SLC6A12: variants seen among roughly 807,000 people sequenced by gnomAD.
SLC6A12 encodes sodium- and chloride-dependent betaine transporter.
SLC6A12 carries 50 observed loss-of-function variants against 73.3 expected under a neutral mutation model. That is an observed-to-expected ratio of 0.68 (90% CI 0.54 to 0.86). The LOEUF is 0.86. Among genes scored for constraint, SLC6A12 ranks in the 40% least tolerant of loss-of-function variants. SLC6A12 has a pLI of 0.00. For missense variants in SLC6A12, 648 were observed against 772.8 expected (o/e 0.84, Z 1.92); for synonymous variants, 304 against 309.2 (o/e 0.98, Z 0.18).
At position 198,801 on chromosome 12, in the gene SLC6A12, G is replaced by C. The variant is rs1417134063; in HGVS notation, c.842C>G (p.Pro281Arg). The part of the protein sequence containing the change: ...LKPDLFRLKD[P>R]QVWMDAGTQI... ...TGGTCCCAGCACGGTACATACCTGAGGGTCCTTGAGGCGGAACAAATCTGG... is the reference window on the plus strand; with the variant it reads ...TGGTCCCAGCACGGTACATACCTGACGGTCCTTGAGGCGGAACAAATCTGG... Residue 281 changes from proline (P) to arginine (R), a missense_variant, in exon 8 of 16, where the codon CCT becomes CGT. By Grantham distance (103) the Pro-to-Arg change is moderately radical. Coordinates refer to ENST00000684302, the MANE Select transcript of SLC6A12 (RefSeq NM_001122848.3). The surrounding 1 kb of genome is among the most constrained non-coding windows in gnomAD (Gnocchi z 4.0). 1 of 1,614,096 alleles carries C rather than the reference G, an allele frequency of 6.2e-7. No individual in the cohort carries two copies. Among genetic ancestry groups the C allele is most frequent in the Non-Finnish European group, 8.5e-7 (1 of 1,180,042 alleles).
At chr12:188,416 G>A (rs1393438941), downstream of SLC6A12, among the ~76,000 whole-genome samples, 2 of 152,036 alleles carry the variant, frequency 1.3e-5, no homozygotes, top group Non-Finnish European at 2.9e-5. Context: ...GCGCTGGCCC[G>A]CAAGCGCCGC....
intron 3 of SLC6A12, among the ~76,000 whole-genome samples, chr12:208,089 G>A (rs573924559): frequency 1.6e-4 from 25 of 152,278 alleles, no homozygotes; most frequent in Non-Finnish European, 2.6e-4. Flanking sequence ...GGAGTGTGCC[G>A]TGACGCAGAA....
At chr12:194,617 G>A (rs893545272) in intron 13 of SLC6A12, among the ~76,000 whole-genome samples, 5 of 152,212 alleles carry the variant, frequency 3.3e-5, no homozygotes, top group Non-Finnish European at 7.3e-5. Context: ...TCAGTGAATC[G>A]GGCTTCTTCC....
At chr12:195,653 A>G (rs768558745) in intron 12 of SLC6A12, among the ~76,000 whole-genome samples, 28 of 152,112 alleles carry the variant, frequency 1.8e-4, no homozygotes, top group Non-Finnish European at 3.8e-4. Flanking sequence ...CCAGGCTTGA[A>G]TAAGAGTCAT....
rs557312789 is a variant in SLC6A12 at position 195,418 on chromosome 12, G to A, written c.1327-91C>T. The A allele has an allele frequency of 3.9e-5, 33 of 841,880 alleles. No homozygotes were observed. The Middle Eastern group carries it at 6.8e-4, about 17-fold the overall frequency. The allele number at this position is 841,880 out of a possible 1,614,324, so 52.2% of individuals were successfully genotyped here. A position where few individuals can be genotyped will look rare whatever the true frequency, so the allele number is the denominator to read the frequency against. ...GAGATGGCAAATGCCCACGTGGGGT[G>A]CACTCCTGCCCGGCCTGTGGGATGC... On this transcript the variant is annotated intron_variant, in intron 12 of 15. Transcript: ENST00000684302.
downstream of SLC6A12, among the ~76,000 whole-genome samples, chr12:185,520 G>T (rs1939416302): frequency 6.6e-6 from 1 of 152,210 alleles, no homozygotes; most frequent in Non-Finnish European, 1.5e-5. Context: ...TGCTTGGGCA[G>T]AAAAAGCCTC....
chr12:201,535 G>A (rs1940263030), intron 6 of SLC6A12: 2 of 536,294 alleles, frequency 3.7e-6, no homozygotes, highest in Non-Finnish European at 6.8e-6. Context: ...AGGGATGTGG[G>A]GCTGAAGGTG....
intron 7 of SLC6A12, among the ~76,000 whole-genome samples, chr12:200,425 G>A (rs1940193111): frequency 6.6e-6 from 1 of 152,236 alleles, no homozygotes; most frequent in Admixed American, 6.5e-5. Context: ...ATATTCTTAT[G>A]TAAACCGGAC....
rs546094905 is a variant in SLC6A12 at position 201,011 on chromosome 12, A to G, written c.579-228T>C. Among the ~76,000 whole-genome samples the G allele has an allele frequency of 3.9e-5, 6 of 152,192 alleles. No homozygotes were observed. The South Asian group carries it at 1.2e-3, about 32-fold the overall frequency. The stretch of plus-strand genomic sequence containing the variant: ...AACTCATCCAGATTTTTTTTCTCGT[A>G]CAGAAAGATGGAGAGAGAGAGAGAT... On this transcript the variant is annotated intron_variant, in intron 6 of 15. Coordinates refer to ENST00000684302, the MANE Select transcript of SLC6A12 (RefSeq NM_001122848.3).
chr12:207,371 C>T (rs1020139985), intron 3 of SLC6A12, among the ~76,000 whole-genome samples: 1 of 152,216 alleles, frequency 6.6e-6, no homozygotes, highest in African/African-American at 2.4e-5. Context: ...TTTCCTGAAC[C>T]ACTCACAACC....
chr12:193,405 G>A, intron 13 of SLC6A12, 28 bp from the exon 14 acceptor site: 1 of 1,547,864 alleles, frequency 6.5e-7, no homozygotes, highest in Non-Finnish European at 8.9e-7. Flanking sequence ...GGGAGAGTGT[G>A]AGAGCCAGAG....
downstream of SLC6A12, among the ~76,000 whole-genome samples, chr12:188,091 GC>G (rs1939467977): frequency 6.6e-6 from 1 of 152,254 alleles, no homozygotes; most frequent in South Asian, 2.1e-4. Flanking sequence ...AGGTGGAGCT[GC>G]CTCCCAGTCC....
At chr12:203,059 C>CTTTTTTTTTTTTTTTTTTTTTTTTTTT (rs10582500) in intron 4 of SLC6A12, among the ~76,000 whole-genome samples, 179 bp from the exon 5 acceptor site, 1 of 68,340 alleles carries the variant, frequency 1.5e-5, no homozygotes, top group African/African-American at 6.3e-5. Context: ...TTTTTCTTTT[C>CTTTTTTTTTTTTTTTTTTTTTTTTTTT]TTTTTTTTTT....
At chr12:202,454 G>A (rs1940320586) in intron 5 of SLC6A12, among the ~76,000 whole-genome samples, 1 of 152,240 alleles carries the variant, frequency 6.6e-6, no homozygotes, top group African/African-American at 2.4e-5. Flanking sequence ...TTAACACACA[G>A]TAGGTGTCCA....
downstream of SLC6A12, among the ~76,000 whole-genome samples, chr12:186,746 G>A (rs538399904): frequency 3.9e-5 from 6 of 152,364 alleles, no homozygotes; most frequent in South Asian, 1.0e-3. Context: ...CATCTATTGA[G>A]ATGTAGCTCT....
Position 190,665 on chromosome 12 carries a change from T to G in SLC6A12, c.*403A>C. ...GTATTGTCCCATCAGGCTCTCCACA[T>G]TGGACGGCAGTGTGCGTTCCAATTA... On this transcript the variant is annotated 3_prime_UTR_variant, in exon 16 of 16. Transcript: ENST00000684302. 5.2e-5 allele frequency: 8 copies of G among 154,580 alleles called. No homozygotes were observed. Among genetic ancestry groups the G allele is most frequent in the Non-Finnish European group, 1.1e-4 (8 of 69,658 alleles). The allele number at this position is 154,580 out of a possible 1,614,324, so 9.6% of individuals were successfully genotyped here.
downstream of SLC6A12, among the ~76,000 whole-genome samples, chr12:188,367 G>A (rs915811466): frequency 3.3e-5 from 5 of 151,988 alleles, no homozygotes; most frequent in African/African-American, 1.2e-4. Context: ...AGGCCGCTCC[G>A]ATTGTGGGGC....
Position 198,717 on chromosome 12 carries a change from A to T in SLC6A12, c.846+80T>A. On this transcript the variant is annotated intron_variant, in intron 8 of 15. Transcript: ENST00000684302. The surrounding 1 kb of genome is among the most constrained non-coding windows in gnomAD (Gnocchi z 4.0). ...TTTATTGCTTTTAAACCAAGGAAAA[A>T]GCTATACAAGACTTTCAAAACTACA... is the stretch of plus-strand genomic sequence containing the variant. 1 of 1,261,068 alleles carries T rather than the reference A, an allele frequency of 7.9e-7. No homozygotes were observed. The allele number at this position is 1,261,068 out of a possible 1,614,324, so 78.1% of individuals were successfully genotyped here. A position where few individuals can be genotyped will look rare whatever the true frequency, so the allele number is the denominator to read the frequency against.
intron 3 of SLC6A12, chr12:204,944 C>T: frequency 2.2e-6 from 1 of 462,410 alleles, no homozygotes; most frequent in Non-Finnish European, 3.9e-6. Context: ...TTAGTGAAAA[C>T]TTAGGTGGAA....
Sources: allele counts gnomAD v4.1 joint callset (sites outside exome capture counted in the v4.1 genomes callset), GRCh38; gene constraint gnomAD v4.1.1; non-coding constraint Gnocchi (gnomAD v3.1); transcripts MANE v1.5; gene names NCBI Gene and HGNC (gene_info 2026-07-23, HGNC 2026-07-21).